The following ANKRD31 variants were observed in gnomAD, a reference collection of about 807,000 sequenced individuals.
ANKRD31 encodes ankyrin repeat domain-containing protein 31.
ANKRD31 carries 147 observed loss-of-function variants against 186.0 expected under a neutral mutation model. The ratio of observed to expected loss-of-function variants is 0.79; its 90% CI spans 0.69 to 0.91. ANKRD31 has a LOEUF of 0.91. Ranked by LOEUF, ANKRD31 falls within the 40% of genes least tolerant of loss-of-function variation. ANKRD31 has a pLI of 0.00. For synonymous variants in ANKRD31, 673 were observed against 736.4 expected, an observed-to-expected ratio of 0.91 and a Z score of 1.39; for missense variants, 1,986 against 2,148.8, an observed-to-expected ratio of 0.92 and a Z score of 1.50.
At chr5:75,153,239 T>G (rs1751955560) in intron 12 of ANKRD31, among the ~76,000 whole-genome samples, 1 of 152,086 alleles carries the variant, frequency 6.6e-6, no homozygotes, top group Non-Finnish European at 1.5e-5. Context: ...CAACTTGAGA[T>G]GACTACAACC....
rs1203343903 is a variant in ANKRD31, at chr5:75,104,933, T to G, written c.4626A>C (p.Thr1542=). ...AGTTCCAAGTTTCCAGAGACAATTG[T>G]GTTTCCTGCATGCTTCCAGAAACAG... The part of the protein sequence containing the change: ...LSPVSGSMQE[T]QLSLETWNYS... Residue 1542 remains threonine, a synonymous_variant, in exon 22 of 26, where the codon ACA becomes ACC. Coordinates refer to ENST00000506364, the MANE Select transcript of ANKRD31 (RefSeq NM_001372053.1). The G allele has an allele frequency of 6.5e-7, 1 of 1,537,214 alleles. No homozygotes were observed. The highest frequency in any genetic ancestry group is 1.2e-5 in the South Asian group (1 of 84,064).
rs1277186417 is a variant in ANKRD31 at position 75,196,176 on chromosome 5, G to C, written c.472C>G (p.Pro158Ala). The C allele has an allele frequency of 6.7e-7, 1 of 1,484,568 alleles. No homozygotes were observed. Among genetic ancestry groups the C allele is most frequent in the Non-Finnish European group, 8.9e-7 (1 of 1,125,288 alleles). 92.0% of individuals were successfully genotyped at this position (1,484,568 alleles called of 1,614,324 possible). The change falls in exon 7 of 26, where the codon CCT becomes GCT. Residue 158 changes from proline to alanine, a missense_variant. By Grantham distance (27) the Pro-to-Ala change is conservative (BLOSUM62 -1). Coordinates refer to ENST00000506364, the MANE Select transcript of ANKRD31 (RefSeq NM_001372053.1). ...GTGCCTGAGAGAAGGCTAACTTCAG[G>C]AGAATCTCTGCCTTCACTTAGTTCC... is the stretch of plus-strand genomic sequence containing the variant. ...EKELSEGRDS[P>A]EVSLLSGTAI...
intron 10 of ANKRD31, among the ~76,000 whole-genome samples, chr5:75,172,453 G>GT (rs1361182386): frequency 2.0e-5 from 3 of 151,560 alleles, no homozygotes; most frequent in African/African-American, 7.3e-5. Context: ...CCAGGAGCTG[G>GT]TTTTTTGAAA....
At chr5:75,122,520 C>T (rs189509499) in intron 17 of ANKRD31, among the ~76,000 whole-genome samples, 90 of 151,940 alleles carry the variant, frequency 5.9e-4, no homozygotes, top group African/African-American at 2.1e-3. Context: ...AAGATAGATG[C>T]AGAAACCCTT....
chr5:75,074,908 T>G (rs1170681709), intron 25 of ANKRD31, among the ~76,000 whole-genome samples: 2 of 152,200 alleles, frequency 1.3e-5, no homozygotes, highest in African/African-American at 2.4e-5. Context: ...GCTTCTTCCT[T>G]TTTAAAACTT....
chr5:75,230,278 T>C (rs945017353), intron 2 of ANKRD31, among the ~76,000 whole-genome samples: 3 of 152,240 alleles, frequency 2.0e-5, no homozygotes, highest in Non-Finnish European at 4.4e-5. Flanking sequence ...ATTATGTTAC[T>C]TGTTTGTATT....
chr5:75,077,213 C>T (rs1744713623), intron 25 of ANKRD31, among the ~76,000 whole-genome samples: 1 of 152,132 alleles, frequency 6.6e-6, no homozygotes, highest in Non-Finnish European at 1.5e-5. Context: ...GGACCACAGA[C>T]ATGCCCCACC....
chr5:75,173,942 C>A (rs938155529), intron 10 of ANKRD31, among the ~76,000 whole-genome samples: 2 of 151,976 alleles, frequency 1.3e-5, no homozygotes, highest in Non-Finnish European at 2.9e-5. Context: ...GCAAAAAAAA[C>A]AAAGCTGGAG....
intron 22 of ANKRD31, among the ~76,000 whole-genome samples, chr5:75,100,869 CTT>C (rs1561419727): frequency 1.3e-5 from 2 of 152,154 alleles, no homozygotes; most frequent in African/African-American, 2.4e-5. Context: ...GGTCTTGACT[CTT>C]TATCCAATTT....
At chr5:75,082,452 G>T (rs754054476) in intron 24 of ANKRD31, among the ~76,000 whole-genome samples, 14 of 152,130 alleles carry the variant, frequency 9.2e-5, no homozygotes, top group Non-Finnish European at 1.8e-4. Context: ...AAAAAAGAGG[G>T]GATGCTGTAG....
chr5:75,091,374 A>G lies in ANKRD31; in HGVS notation c.5359T>C (p.Leu1787=), dbSNP rs1285099372. Residue 1787 remains leucine (L), a synonymous_variant, in exon 23 of 26, where the codon TTG becomes CTG. Coordinates refer to ENST00000506364, the MANE Select transcript of ANKRD31 (RefSeq NM_001372053.1). ...QETTHKASIL[L]NGKLKVESGQ... ...CTTTCTACCTTAAGTTTACCATTCAATAAAATACTGGCTTTGTGGGTAGTC... is the reference window on the plus strand; with the variant it reads ...CTTTCTACCTTAAGTTTACCATTCAGTAAAATACTGGCTTTGTGGGTAGTC... 2.0e-6 allele frequency: 3 copies of G among 1,536,946 alleles called. No individual in the cohort carries two copies. The South Asian group carries it at 3.6e-5, about 18-fold the overall frequency.
chr5:75,191,871 T>C (rs1755139622), intron 9 of ANKRD31, among the ~76,000 whole-genome samples: 1 of 152,098 alleles, frequency 6.6e-6, no homozygotes, highest in Non-Finnish European at 1.5e-5. Context: ...AGGCATTAAT[T>C]GTTGACTCCA....
intron 21 of ANKRD31, 22 bp downstream of exon 21, chr5:75,107,499 T>A: frequency 6.9e-7 from 1 of 1,443,780 alleles, no homozygotes; most frequent in Non-Finnish European, 9.2e-7. Context: ...AAAGCACTCT[T>A]TTTTTTTCTT....
intron 5 of ANKRD31, among the ~76,000 whole-genome samples, chr5:75,203,489 C>A (rs544779045): frequency 1.3e-5 from 2 of 151,752 alleles, no homozygotes; most frequent in Admixed American, 6.6e-5. Context: ...CATGGTGAAA[C>A]CCTGTCTCTA....
At chr5:75,124,353 C>T (rs894891573) in intron 17 of ANKRD31, among the ~76,000 whole-genome samples, 1 of 152,118 alleles carries the variant, frequency 6.6e-6, no homozygotes, top group Non-Finnish European at 1.5e-5. Flanking sequence ...TTAGTACAAC[C>T]TCTATGGAAA....
intron 20 of ANKRD31, 44 bp downstream of exon 20, chr5:75,112,469 T>C (rs1036547927): frequency 9.4e-6 from 12 of 1,280,156 alleles, no homozygotes; most frequent in Middle Eastern, 4.0e-4. Flanking sequence ...AAGATGACCT[T>C]GGGTATCTGA....
intron 1 of ANKRD31, among the ~76,000 whole-genome samples, chr5:75,234,182 T>G (rs1758116789): frequency 6.6e-6 from 1 of 152,142 alleles, no homozygotes; most frequent in Non-Finnish European, 1.5e-5. Flanking sequence ...ACAAATTGAT[T>G]CAAACTTTGT....
At chr5:75,230,761 C>T in intron 1 of ANKRD31, 126 bp from the exon 2 acceptor site, 1 of 590,172 alleles carries the variant, frequency 1.7e-6, no homozygotes, top group Admixed American at 3.3e-5. Flanking sequence ...ATTAATGTTT[C>T]TATTTCAAAG....
intron 22 of ANKRD31, among the ~76,000 whole-genome samples, chr5:75,102,219 G>T (rs963162004): frequency 2.6e-5 from 4 of 152,180 alleles, no homozygotes; most frequent in African/African-American, 9.7e-5. Context: ...GTTTGCCTGG[G>T]TATCACCAGC....
Sources: gnomAD v4.1 joint callset for allele counts (sites outside exome capture counted in the v4.1 genomes callset) on GRCh38, gnomAD v4.1.1 for gene constraint, MANE v1.5 for transcripts, NCBI Gene and HGNC (gene_info 2026-07-23, HGNC 2026-07-21) for gene names.